The following COL4A3 variants were observed in gnomAD, a reference collection of about 807,000 sequenced individuals.
COL4A3 encodes the protein collagen alpha-3(IV) chain.
COL4A3 carries 135 observed loss-of-function variants against 217.4 expected under a neutral mutation model. That is an observed-to-expected ratio of 0.62 (90% CI 0.54 to 0.72). The LOEUF is 0.72. COL4A3 is among the 30% of genes least tolerant of loss of function. COL4A3 has a pLI of 0.00. For missense variants in COL4A3, 1,868 were observed against 2,119.9 expected (o/e 0.88, Z 2.33); for synonymous variants, 690 against 736.3 (o/e 0.94, Z 1.02).
chr2:227,294,418 C>A (rs527569417), intron 38 of COL4A3, 72 bp from the exon 39 acceptor site: 3 of 998,314 alleles, frequency 3.0e-6, no homozygotes, highest in East Asian at 2.4e-5. Flanking sequence ...AAAAACAGAC[C>A]GTTTCAGTCA....
intron 3 of COL4A3, among the ~76,000 whole-genome samples, chr2:227,243,564 G>A (rs2069149198): frequency 6.6e-6 from 1 of 152,222 alleles, no homozygotes; most frequent in South Asian, 2.1e-4. Flanking sequence ...CCTTGACAGT[G>A]CAATCTCAGA....
chr2:227,202,038 T>C (rs2066706144), intron 1 of COL4A3, among the ~76,000 whole-genome samples: 2 of 152,250 alleles, frequency 1.3e-5, no homozygotes, highest in Non-Finnish European at 2.9e-5. Context: ...AAGCCCTGTT[T>C]AGCAGTTTGA....
chr2:227,178,635 C>T (rs2065771281), intron 1 of COL4A3, among the ~76,000 whole-genome samples: 1 of 151,994 alleles, frequency 6.6e-6, no homozygotes, highest in Non-Finnish European at 1.5e-5. Flanking sequence ...CAGGTTCAAG[C>T]AATTCTCATG....
At chr2:227,201,971 C>T (rs894743392) in intron 1 of COL4A3, among the ~76,000 whole-genome samples, 3 of 152,144 alleles carry the variant, frequency 2.0e-5, no homozygotes, top group African/African-American at 7.2e-5. Flanking sequence ...AAATACCAAC[C>T]TTTAACCATT....
chr2:227,237,994 G>A lies in COL4A3; in HGVS notation c.114G>A (p.Gln38=). ...GTTGTGTCTGTAAAGACAAAGGCCA[G>A]TGCTTCTGTGACGGGGCCAAAGGGG... is the stretch of plus-strand genomic sequence containing the variant. The part of the protein sequence containing the change: ...SKGCVCKDKG[Q]CFCDGAKGEK... Residue 38 remains glutamine (Q), a synonymous_variant, in exon 2 of 52, where the codon CAG becomes CAA. Coordinates refer to ENST00000396578, the MANE Select transcript of COL4A3 (RefSeq NM_000091.5). The A allele has an allele frequency of 6.2e-7, 1 of 1,610,992 alleles. No homozygotes were observed. Among genetic ancestry groups the A allele is most frequent in the East Asian group, 2.2e-5 (1 of 44,836 alleles).
intron 1 of COL4A3, among the ~76,000 whole-genome samples, chr2:227,195,269 A>G (rs910888396): frequency 1.8e-5 from 2 of 110,188 alleles, no homozygotes; most frequent in African/African-American, 7.2e-5. Flanking sequence ...GTAAAATCCC[A>G]TAATCCCAAA....
chr2:227,214,741 G>A (rs2125800519), intron 1 of COL4A3, among the ~76,000 whole-genome samples: 1 of 152,310 alleles, frequency 6.6e-6, no homozygotes, highest in Middle Eastern at 3.4e-3. Context: ...TGGAGAACTT[G>A]AGAATCGCTA....
At chr2:227,241,462 C>T (rs2069014728) in intron 3 of COL4A3, among the ~76,000 whole-genome samples, 1 of 152,038 alleles carries the variant, frequency 6.6e-6, no homozygotes, top group East Asian at 1.9e-4. Context: ...TCACTTGAGC[C>T]CACGAGTTTG....
chr2:227,205,995 G>C (rs2067085900), intron 1 of COL4A3, among the ~76,000 whole-genome samples: 1 of 152,164 alleles, frequency 6.6e-6, no homozygotes, highest in African/African-American at 2.4e-5. Flanking sequence ...TGGGAAACTT[G>C]CAAAAATACT....
At chr2:227,283,919 CA>C (rs1202289749) in intron 33 of COL4A3, 63 bp downstream of exon 33, 8 of 1,423,662 alleles carry the variant, frequency 5.6e-6, no homozygotes, top group Non-Finnish European at 7.9e-6. Context: ...TATTTTGCAG[CA>C]AAAAAAGTTA....
At chr2:227,170,446 G>A (rs1282804216) in intron 1 of COL4A3, among the ~76,000 whole-genome samples, 2 of 152,058 alleles carry the variant, frequency 1.3e-5, no homozygotes, top group African/African-American at 2.4e-5. Context: ...CACAATCATG[G>A]CAAAAGAGCA....
intron 50 of COL4A3, among the ~76,000 whole-genome samples, chr2:227,309,918 C>A (rs147412815): frequency 2.6e-5 from 4 of 152,288 alleles, no homozygotes; most frequent in Admixed American, 6.5e-5. Context: ...TGAGTCACTG[C>A]ACCCAGCCTG....
In COL4A3 at chr2:227,266,499, T is replaced by G; in HGVS notation, c.1398T>G (p.Asp466Glu). ...GGTCTCCAGGAATCCCAGGAGTTGA[T>G]GGGCCCAAAGGTTGGTTCAATCAAT... ...YLGSPGIPGV[D>E]GPKGEPGLLC... is the part of the protein sequence containing the mutation. Residue 466 changes from aspartate (D) to glutamate (E), a missense_variant, in exon 22 of 52, where the codon GAT becomes GAG. This residue lies in a region of COL4A3 where 1,503 missense variants were observed against 1,786.1 expected (regional missense o/e 0.84). Coordinates refer to ENST00000396578, the MANE Select transcript of COL4A3 (RefSeq NM_000091.5). 1 of 1,613,556 alleles carries G rather than the reference T, an allele frequency of 6.2e-7. No individual in the cohort carries two copies. The highest frequency in any genetic ancestry group is 8.5e-7 in the Non-Finnish European group (1 of 1,179,584).
intron 1 of COL4A3, among the ~76,000 whole-genome samples, chr2:227,196,322 C>CTT (rs767607620): frequency 2.1e-5 from 3 of 142,102 alleles, no homozygotes; most frequent in Non-Finnish European, 1.6e-5. Context: ...ATGTTTTTAT[C>CTT]TTTTTTTTTT....
In COL4A3 at chr2:227,256,350, A is replaced by C. The variant is rs752474805; in HGVS notation, c.941A>C (p.Lys314Thr). 1.2e-6 allele frequency: 2 copies of C among 1,613,488 alleles called. No homozygotes were observed. Among genetic ancestry groups the C allele is most frequent in the African/African-American group, 2.7e-5 (2 of 74,906 alleles). ...TTTTGTTCTTTTCTTTAGGGAGTCA[A>C]GGGCAACAGGGGTTTCCCTGGGTTA... ...VPGFPGSEGV[K>T]GNRGFPGLMG... The change falls in exon 17 of 52, where the codon AAG (lysine) becomes ACG (threonine). Residue 314 changes from lysine to threonine, a missense_variant. This residue lies in a region of COL4A3 where 1,503 missense variants were observed against 1,786.1 expected (regional missense o/e 0.84). Coordinates refer to ENST00000396578, the MANE Select transcript of COL4A3 (RefSeq NM_000091.5).
At chr2:227,254,616 C>T in intron 14 of COL4A3, 40 bp from the exon 15 acceptor site, 1 of 1,447,082 alleles carries the variant, frequency 6.9e-7, no homozygotes, top group South Asian at 1.1e-5. Context: ...GTAAAAAAAT[C>T]AGTAATTCAT....
At chr2:227,239,841 AT>A (rs1413123377) in intron 2 of COL4A3, among the ~76,000 whole-genome samples, 6 of 152,052 alleles carry the variant, frequency 3.9e-5, no homozygotes, top group Admixed American at 3.3e-4. Flanking sequence ...TTTCCCTTTC[AT>A]TTTTTATTCC....
intron 1 of COL4A3, among the ~76,000 whole-genome samples, chr2:227,211,295 G>A (rs1039388199): frequency 2.6e-5 from 4 of 152,144 alleles, no homozygotes; most frequent in African/African-American, 9.6e-5. Flanking sequence ...CACTGCACGC[G>A]GCCCCATAAA....
rs144085993 is a variant in COL4A3 at position 227,244,666 on chromosome 2, G to T, written c.280-285G>T. On this transcript the variant is annotated intron_variant, in intron 4 of 51. Coordinates refer to ENST00000396578, the MANE Select transcript of COL4A3 (RefSeq NM_000091.5). ...CTTTGTTAAGCTGTTCAATTAAGCT[G>T]TTCTCAAAAGATTGGAGCACTTCAT... Among the ~76,000 whole-genome samples, 205 of 152,262 alleles carry T rather than the reference G, an allele frequency of 1.3e-3. No homozygotes were observed. The highest frequency in any genetic ancestry group is 2.2e-3 in the Non-Finnish European group (148 of 68,018).
Sources: gnomAD v4.1 joint callset for allele counts (sites outside exome capture counted in the v4.1 genomes callset) on GRCh38, gnomAD v4.1.1 for gene constraint, gnomAD v4.1.1 regional missense constraint, MANE v1.5 for transcripts, NCBI Gene and HGNC (gene_info 2026-07-23, HGNC 2026-07-21) for gene names.